The following PDE1C variants were observed in gnomAD, a reference collection of about 807,000 sequenced individuals.
PDE1C encodes phosphodiesterase 1C.
PDE1C carries 62 observed loss-of-function variants against 93.1 expected under a neutral mutation model. The observed-to-expected ratio is 0.67, with a 90% CI of 0.54 to 0.82. PDE1C has a LOEUF of 0.82. Among genes scored for constraint, PDE1C ranks in the 40% least tolerant of loss-of-function variants. PDE1C has a pLI of 0.00. For missense variants in PDE1C, 742 were observed against 884.6 expected, an observed-to-expected ratio of 0.84 and a Z score of 2.04; for synonymous variants, 325 against 310.1, an observed-to-expected ratio of 1.05 and a Z score of -0.50.
At chr7:32,348,808 A>G (rs907870677) in intron 1 of PDE1C, among the ~76,000 whole-genome samples, 4 of 152,202 alleles carry the variant, frequency 2.6e-5, no homozygotes, top group Admixed American at 2.0e-4. Flanking sequence ...AGAACTTTGC[A>G]TGGTCACTCT....
intron 2 of PDE1C, among the ~76,000 whole-genome samples, chr7:32,195,134 T>C (rs1008958015): frequency 6.6e-6 from 1 of 152,220 alleles, no homozygotes; most frequent in African/African-American, 2.4e-5. Flanking sequence ...TGCTAACATT[T>C]TTGCTTCAAC....
chr7:32,170,019 T>C, intron 2 of PDE1C: 1 of 1,420,364 alleles, frequency 7.0e-7, no homozygotes, highest in South Asian at 1.3e-5. Flanking sequence ...ATGTCCTGCC[T>C]TCCCCAACTC....
At chr7:32,419,994 G>A (rs965624718) in intron 1 of PDE1C, among the ~76,000 whole-genome samples, 3 of 147,822 alleles carry the variant, frequency 2.0e-5, no homozygotes, top group Non-Finnish European at 4.5e-5. Flanking sequence ...GGAGGTGGAG[G>A]TGGGCAGATC....
chr7:32,147,528 T>G (rs903707693), intron 3 of PDE1C, among the ~76,000 whole-genome samples: 2 of 152,160 alleles, frequency 1.3e-5, no homozygotes, highest in African/African-American at 4.8e-5. Context: ...GAGAGTCTGG[T>G]CCAGGAGGTC....
intron 1 of PDE1C, among the ~76,000 whole-genome samples, chr7:32,214,524 G>A (rs1419234105): frequency 2.0e-5 from 3 of 152,196 alleles, no homozygotes; most frequent in Non-Finnish European, 4.4e-5. Context: ...ATCCCAGTGA[G>A]CAGCCGAAGT....
chr7:32,300,050 A>G (rs1163550711), upstream of PDE1C, among the ~76,000 whole-genome samples: 1 of 152,188 alleles, frequency 6.6e-6, no homozygotes, highest in Non-Finnish European at 1.5e-5. Flanking sequence ...TTAGAGGGTA[A>G]TGGCTCCACA....
At chr7:32,402,353 A>G (rs543849145) in intron 1 of PDE1C, among the ~76,000 whole-genome samples, 1 of 152,242 alleles carries the variant, frequency 6.6e-6, no homozygotes, top group East Asian at 1.9e-4. Flanking sequence ...CCAGTGGGGT[A>G]GTTTTAGCCC....
the PDE1C span, among the ~76,000 whole-genome samples, chr7:31,672,397 T>C: frequency 6.6e-6 from 1 of 152,132 alleles, no homozygotes; most frequent in Non-Finnish European, 1.5e-5. Context: ...CCTCTCAATA[T>C]ACACATAAAA....
intron 1 of PDE1C, among the ~76,000 whole-genome samples, chr7:32,317,435 C>G (rs986191279): frequency 2.0e-5 from 3 of 152,120 alleles, no homozygotes; most frequent in Non-Finnish European, 4.4e-5. Flanking sequence ...CCACCTTTGC[C>G]TCTCTTTGTC....
At chr7:32,188,307 A>T (rs1057113086) in intron 2 of PDE1C, among the ~76,000 whole-genome samples, 3 of 152,060 alleles carry the variant, frequency 2.0e-5, no homozygotes, top group African/African-American at 7.2e-5. Flanking sequence ...CTGTTCAGGC[A>T]AGCTGCCTTC....
At chr7:31,905,490 C>A (rs950344058) in intron 2 of PDE1C, among the ~76,000 whole-genome samples, 1 of 152,166 alleles carries the variant, frequency 6.6e-6, no homozygotes, top group Non-Finnish European at 1.5e-5. Flanking sequence ...ATCCCTTCTA[C>A]ACTTTAGAGC....
the PDE1C span, among the ~76,000 whole-genome samples, chr7:31,670,182 A>T: frequency 1.3e-5 from 2 of 152,264 alleles, no homozygotes; most frequent in East Asian, 3.9e-4. Context: ...AGTATTGCAG[A>T]TTTTTTGTTT....
rs933187919 is a variant in PDE1C, at chr7:31,908,798, C to A, written c.129-27938G>T. Among the ~76,000 whole-genome samples, 67 of 152,130 alleles carry A rather than the reference C, an allele frequency of 4.4e-4. 1 individual carries two copies. The highest frequency in any genetic ancestry group is 1.4e-3 in the African/African-American group (60 of 41,430). ...GTCCACTTGGCTAGGTTACAGCCTG[C>A]AGTTATTCAATCAAACACTAATCTA... On this transcript the variant is annotated intron_variant, in intron 2 of 17. Transcript: ENST00000396191.
downstream of PDE1C, among the ~76,000 whole-genome samples, chr7:31,750,470 C>T (rs1279088604): frequency 6.6e-6 from 1 of 152,168 alleles, no homozygotes; most frequent in African/African-American, 2.4e-5. Flanking sequence ...CCCTTGAACT[C>T]AGGGCCTAAC....
intron 2 of PDE1C, among the ~76,000 whole-genome samples, chr7:32,178,187 G>A (rs1404606377): frequency 6.6e-6 from 1 of 152,182 alleles, no homozygotes; most frequent in Non-Finnish European, 1.5e-5. Flanking sequence ...CAGCTTTTCT[G>A]TGCTAGAAAA....
intron 3 of PDE1C, among the ~76,000 whole-genome samples, chr7:32,117,062 T>A (rs911419804): frequency 1.3e-5 from 2 of 152,170 alleles, no homozygotes; most frequent in African/African-American, 2.4e-5. Context: ...AGTAAATAGA[T>A]GCAAAAGGCA....
chr7:32,035,989 A>G (rs1192359146), intron 2 of PDE1C, among the ~76,000 whole-genome samples: 1 of 152,188 alleles, frequency 6.6e-6, no homozygotes, highest in African/African-American at 2.4e-5. Flanking sequence ...CTGTGAAGGA[A>G]ACACCAGAGT....
At chr7:32,201,539 C>T (rs1472283824) in intron 2 of PDE1C, among the ~76,000 whole-genome samples, 2 of 152,242 alleles carry the variant, frequency 1.3e-5, no homozygotes, top group African/African-American at 4.8e-5. Flanking sequence ...AGGAGTAGGA[C>T]GTGAGATGCT....
At chr7:31,622,311 T>G in the PDE1C span, among the ~76,000 whole-genome samples, 1 of 149,846 alleles carries the variant, frequency 6.7e-6, no homozygotes, top group Non-Finnish European at 1.5e-5. Context: ...CATTTTTTTT[T>G]CAGCACCACA....
Sources: gnomAD v4.1 joint callset for allele counts (sites outside exome capture counted in the v4.1 genomes callset) on GRCh38, gnomAD v4.1.1 for gene constraint, MANE v1.5 for transcripts, NCBI Gene and HGNC (gene_info 2026-07-23, HGNC 2026-07-21) for gene names.